LRGUK: variants seen among roughly 807,000 people sequenced by gnomAD.
The protein encoded by LRGUK is leucine-rich repeat and guanylate kinase domain-containing protein.
Under a neutral mutation model 76.0 loss-of-function variants are expected in LRGUK, and 65 were observed. That is an observed-to-expected ratio of 0.85 (90% CI 0.70 to 1.05). LRGUK has a LOEUF of 1.05. LRGUK is among the 50% of genes least tolerant of loss of function. The probability of loss-of-function intolerance (pLI) is 0.00; values close to 1 mark genes in which losing one functional copy is unlikely to be tolerated. For missense variants in LRGUK, 758 were observed against 732.8 expected (o/e 1.03, Z -0.40); for synonymous variants, 268 against 265.6 (o/e 1.01, Z -0.09).
At chr7:134,238,812 A>T (rs1802070252) in intron 16 of LRGUK, among the ~76,000 whole-genome samples, 1 of 152,202 alleles carries the variant, frequency 6.6e-6, no homozygotes, top group African/African-American at 2.4e-5. Context: ...ATGTGAAATT[A>T]GTTTTCTCAG....
chr7:134,258,239 G>C lies in LRGUK; in HGVS notation c.2199-18G>C. The C allele has an allele frequency of 1.9e-6, 3 of 1,613,450 alleles. No homozygotes were observed. Among genetic ancestry groups the C allele is most frequent in the Non-Finnish European group, 2.5e-6 (3 of 1,179,610 alleles). ...TAGTTTGGATCTCAAAAAGATCTTT[G>C]GTTTTTCATTTTTTCAGTGGGAAGG... On this transcript the variant is annotated intron_variant, in intron 18 of 19. Transcript: ENST00000285928.
At chr7:134,229,412 A>ATCTATCTG (rs1563192730) in intron 16 of LRGUK, among the ~76,000 whole-genome samples, 1 of 151,788 alleles carries the variant, frequency 6.6e-6, no homozygotes, top group African/African-American at 2.4e-5. Context: ...CTATCTATCT[A>ATCTATCTG]TCTATGTTCA....
At chr7:134,141,178 G>A (rs1385498150) in intron 3 of LRGUK, among the ~76,000 whole-genome samples, 1 of 152,176 alleles carries the variant, frequency 6.6e-6, no homozygotes, top group African/African-American at 2.4e-5. Flanking sequence ...TTCGTCAACT[G>A]TTTGAAAGCC....
At chr7:134,166,786 A>G (rs34881966) in intron 7 of LRGUK, among the ~76,000 whole-genome samples, 20,047 of 152,190 alleles carry the variant, frequency 0.13, 1,670 homozygotes, top group East Asian at 0.32. Flanking sequence ...TCTTTGCCGA[A>G]GACTCCTTGC....
At chr7:134,268,013 T>C (rs957047551), downstream of LRGUK, among the ~76,000 whole-genome samples, 1 of 152,082 alleles carries the variant, frequency 6.6e-6, no homozygotes, top group Non-Finnish European at 1.5e-5. Flanking sequence ...GAAAGGGAAA[T>C]TTATACCACT....
At chr7:134,176,840 T>G (rs556221223) in intron 8 of LRGUK, 137 bp from the exon 9 acceptor site, 26 of 546,566 alleles carry the variant, frequency 4.8e-5, no homozygotes, top group African/African-American at 4.4e-4. Flanking sequence ...AAGCGTGAAA[T>G]GCATAGTCCT....
At position 134,249,089 on chromosome 7, in the gene LRGUK, G is replaced by T. The variant is rs145238550; in HGVS notation, c.2198+13G>T. On this transcript the variant is annotated intron_variant, in intron 18 of 19. Transcript: ENST00000285928. Reference sequence around the variant, plus strand: ...ATCCTGAAAAGAGGTGAGTTGAGGTGTTTTGTTGGATGGAATTGGCTATTT... The same window carrying T: ...ATCCTGAAAAGAGGTGAGTTGAGGTTTTTTGTTGGATGGAATTGGCTATTT... 1.0e-4 allele frequency: 162 copies of T among 1,553,934 alleles called. No individual in the cohort carries two copies. The African/African-American group carries it at 1.7e-3, about 16-fold the overall frequency.
chr7:134,262,273 C>A (rs1802747974), intron 19 of LRGUK, among the ~76,000 whole-genome samples: 1 of 152,148 alleles, frequency 6.6e-6, no homozygotes, highest in Admixed American at 6.5e-5. Context: ...ACTCAGGAGG[C>A]TGAGGCAGGA....
chr7:134,244,052 C>G (rs1231422983), intron 16 of LRGUK, among the ~76,000 whole-genome samples: 1 of 152,046 alleles, frequency 6.6e-6, no homozygotes, highest in Admixed American at 6.6e-5. Context: ...AAAATTAATT[C>G]AAGATGGATT....
rs76339808 is a variant in LRGUK, at chr7:134,144,193, C to T, written c.588+1031C>T. Among the ~76,000 whole-genome samples, 779 of 152,296 alleles carry T rather than the reference C, an allele frequency of 5.1e-3. 15 individuals carry two copies. In the East Asian group the frequency reaches 0.073, roughly 14 times the overall value. Reference sequence around the variant, plus strand: ...TGTCGCCCAGGCTGGAGTGCAGTGGCGCAATCTTGTCTCACTCTCACCGCA... The same window carrying T: ...TGTCGCCCAGGCTGGAGTGCAGTGGTGCAATCTTGTCTCACTCTCACCGCA... On this transcript the variant is annotated intron_variant, in intron 4 of 15. Transcript: ENST00000645682.
At chr7:134,227,946 G>A (rs1290861705) in intron 16 of LRGUK, among the ~76,000 whole-genome samples, 1 of 151,982 alleles carries the variant, frequency 6.6e-6, no homozygotes, top group Non-Finnish European at 1.5e-5. Flanking sequence ...AGAAGTGGAA[G>A]AGAAACAAGA....
At chr7:134,133,037 G>C (rs964526981) in intron 1 of LRGUK, among the ~76,000 whole-genome samples, 6 of 152,304 alleles carry the variant, frequency 3.9e-5, no homozygotes, top group Admixed American at 3.9e-4. Flanking sequence ...CCAGCTGAAA[G>C]TCAGCTTTAC....
intron 5 of LRGUK, among the ~76,000 whole-genome samples, chr7:134,151,440 C>CA (rs1563146773): frequency 6.6e-6 from 1 of 151,618 alleles, no homozygotes; most frequent in African/African-American, 2.4e-5. Flanking sequence ...ATCTTTCTAC[C>CA]AAAAAAGCCT....
intron 10 of LRGUK, among the ~76,000 whole-genome samples, chr7:134,180,820 C>T (rs1046729506): frequency 6.6e-6 from 1 of 151,944 alleles, no homozygotes; most frequent in African/African-American, 2.4e-5. Flanking sequence ...GTTATGTAAC[C>T]ATCACCACCA....
chr7:134,197,118 A>C lies in LRGUK; in HGVS notation c.1545+13A>C. 6.9e-7 allele frequency: 1 copy of C among 1,439,364 alleles called. No homozygotes were observed. The highest frequency in any genetic ancestry group is 9.8e-7 in the Non-Finnish European group (1 of 1,021,358). 89.2% of individuals were successfully genotyped at this position (1,439,364 alleles called of 1,614,324 possible). ...TATGGAAATAGAAGTAAGTGTTTTCATTCAACCAATTAATGTGTGTGTAGT... is the reference window on the plus strand; with the variant it reads ...TATGGAAATAGAAGTAAGTGTTTTCCTTCAACCAATTAATGTGTGTGTAGT... On this transcript the variant is annotated intron_variant, in intron 13 of 15. Transcript: ENST00000645682.
exon 1 of LRGUK, chr7:134,127,531 A>G (rs1797055985): frequency 6.2e-7 from 1 of 1,614,204 alleles, no homozygotes; most frequent in Non-Finnish European, 8.5e-7. Flanking sequence ...GGCAGCTCTA[A>G]CATAGCCTCC....
intron 15 of LRGUK, among the ~76,000 whole-genome samples, chr7:134,215,435 C>T (rs982753430): frequency 6.6e-6 from 1 of 152,068 alleles, no homozygotes; most frequent in Non-Finnish European, 1.5e-5. Context: ...CCAGACTTCC[C>T]CCCAGCTCTG....
At chr7:134,180,791 C>T (rs2117010088) in intron 10 of LRGUK, among the ~76,000 whole-genome samples, 1 of 152,214 alleles carries the variant, frequency 6.6e-6, no homozygotes, top group East Asian at 1.9e-4. Flanking sequence ...AGTTGAGTGG[C>T]ATCAAGTACA....
At chr7:134,193,374 T>C (rs1211569151) in intron 12 of LRGUK, among the ~76,000 whole-genome samples, 1 of 152,206 alleles carries the variant, frequency 6.6e-6, no homozygotes, top group Admixed American at 6.5e-5. Context: ...TTAATTTATC[T>C]TGTTAGAGTA....
Sources: allele counts gnomAD v4.1 joint callset (sites outside exome capture counted in the v4.1 genomes callset), GRCh38; gene constraint gnomAD v4.1.1; transcripts MANE v1.5; gene names NCBI Gene and HGNC (gene_info 2026-07-23, HGNC 2026-07-21).